Variants in PDE11A observed in about 807,000 individuals in gnomAD.
The protein encoded by PDE11A is phosphodiesterase 11A, also known as dual 3',5'-cyclic-AMP and -GMP phosphodiesterase 11A.
PDE11A carries 100 observed loss-of-function variants against 100.5 expected under a neutral mutation model. The ratio of observed to expected loss-of-function variants is 1.00; its 90% CI spans 0.85 to 1.18. PDE11A has a LOEUF of 1.18. Among genes scored for constraint, PDE11A ranks in the 50% most tolerant of loss-of-function variants. The pLI, the probability that PDE11A is intolerant of heterozygous loss-of-function variation, is 0.00. For synonymous variants in PDE11A, 381 were observed against 420.8 expected, an observed-to-expected ratio of 0.91 and a Z score of 1.16; for missense variants, 1,141 against 1,152.6, an observed-to-expected ratio of 0.99 and a Z score of 0.15.
intron 1 of PDE11A, among the ~76,000 whole-genome samples, chr2:178,059,510 C>T (rs1027727552): frequency 6.6e-6 from 1 of 152,200 alleles, no homozygotes; most frequent in Non-Finnish European, 1.5e-5. Flanking sequence ...GGGAGATTGA[C>T]TTCCCTGTCC....
chr2:177,901,692 G>A (rs988250856), intron 3 of PDE11A, among the ~76,000 whole-genome samples: 72 of 152,284 alleles, frequency 4.7e-4, no homozygotes, highest in African/African-American at 1.7e-3. Flanking sequence ...ATAATTTCAT[G>A]TTTAGACATT....
intron 1 of PDE11A, among the ~76,000 whole-genome samples, chr2:178,050,820 A>C (rs565897177): frequency 1.6e-3 from 237 of 152,352 alleles, no homozygotes; most frequent in African/African-American, 5.6e-3. Context: ...AAGAGTAAAA[A>C]GAAATGAACA....
intron 2 of PDE11A, among the ~76,000 whole-genome samples, chr2:177,969,162 A>G (rs552543877): frequency 6.6e-6 from 1 of 152,314 alleles, no homozygotes; most frequent in Admixed American, 6.5e-5. Flanking sequence ...GCGAACTAAC[A>G]CAGGAACAGA....
chr2:177,990,014 G>A (rs1416910819), intron 2 of PDE11A, among the ~76,000 whole-genome samples: 1 of 152,138 alleles, frequency 6.6e-6, no homozygotes, highest in Non-Finnish European at 1.5e-5. Flanking sequence ...TTGACTATGT[G>A]ACATTTGAAT....
intron 19 of PDE11A, among the ~76,000 whole-genome samples, chr2:177,660,056 T>C (rs13023837): frequency 0.76 from 93,662 of 124,022 alleles, 33,665 homozygotes; most frequent in Admixed American, 0.82. Context: ...TCTTTCTTTC[T>C]TTCTTTCTTT....
At chr2:177,901,478 T>A (rs895168213) in intron 3 of PDE11A, among the ~76,000 whole-genome samples, 1 of 152,168 alleles carries the variant, frequency 6.6e-6, no homozygotes, top group African/African-American at 2.4e-5. Context: ...TCCCCTGTCT[T>A]GAGAAATCAG....
Position 177,663,958 on chromosome 2 carries a change from G to A in PDE11A, c.2563-9C>T, listed in dbSNP as rs751542836. 1.3e-5 allele frequency: 21 copies of A among 1,593,396 alleles called. No homozygotes were observed. The highest frequency in any genetic ancestry group is 9.9e-5 in the South Asian group (9 of 90,592). On this transcript the variant is annotated splice_polypyrimidine_tract_variant and intron_variant, in intron 18 of 19. Transcript: ENST00000286063. The stretch of plus-strand genomic sequence containing the variant: ...TTCCGATCAAAAATTGCCTAGAATG[G>A]GGGGCAGGAAGAACCTCGCTTTATT...
In PDE11A at chr2:177,626,795, C is replaced by T. The variant is rs1222332774; in HGVS notation, c.*2612G>A. 1.3e-5 allele frequency: 2 copies of T among 152,074 alleles called. No homozygotes were observed. The highest frequency in any genetic ancestry group is 2.9e-5 in the Non-Finnish European group (2 of 68,052). 9.4% of individuals were successfully genotyped at this position (152,074 alleles called of 1,614,324 possible). Reference sequence around the variant, plus strand: ...CCTTCTCCCCTTTCTCAAACCCCTCCCTGCTCAAGTGTCTCTCTTTTCTGA... The same window carrying T: ...CCTTCTCCCCTTTCTCAAACCCCTCTCTGCTCAAGTGTCTCTCTTTTCTGA... On this transcript the variant is annotated 3_prime_UTR_variant, in exon 20 of 20. Transcript: ENST00000286063.
intron 19 of PDE11A, among the ~76,000 whole-genome samples, chr2:177,636,418 A>C (rs1325192627): frequency 2.0e-5 from 3 of 152,184 alleles, no homozygotes; most frequent in South Asian, 2.1e-4. Flanking sequence ...ACAGCATATC[A>C]ATCATTTTTG....
chr2:178,021,593 T>C (rs952049082), intron 1 of PDE11A, among the ~76,000 whole-genome samples: 4 of 152,118 alleles, frequency 2.6e-5, no homozygotes, highest in Non-Finnish European at 4.4e-5. Context: ...AAAAGTTTAA[T>C]AATAGATGAA....
In PDE11A at chr2:177,956,923, G is replaced by A. The variant is rs539476388; in HGVS notation, c.1072-51736C>T. On this transcript the variant is annotated intron_variant, in intron 2 of 19. Transcript: ENST00000286063. ...TGGGGACTGTTGTGGGGTGGGGGAG[G>A]GATAGCATTTAGAGATATACCTAAT... 9.9e-5 allele frequency among the ~76,000 whole-genome samples: 15 copies of A among 152,084 alleles called. No individual in the cohort carries two copies. In the South Asian group the frequency reaches 1.9e-3, roughly 19 times the overall value.
intron 1 of PDE11A, among the ~76,000 whole-genome samples, chr2:178,071,310 T>C (rs778574883): frequency 6.6e-6 from 1 of 152,206 alleles, no homozygotes; most frequent in Non-Finnish European, 1.5e-5. Context: ...TTGGGTGATA[T>C]ATTAACTTCC....
At position 177,665,548 on chromosome 2, in the gene PDE11A, A is replaced by G. The variant is rs185260465; in HGVS notation, c.2563-1599T>C. 4.4e-3 allele frequency among the ~76,000 whole-genome samples: 664 copies of G among 151,356 alleles called. 5 individuals carry two copies. The highest frequency in any genetic ancestry group is 0.029 in the East Asian group (152 of 5,180). On this transcript the variant is annotated intron_variant, in intron 18 of 19. Coordinates refer to ENST00000286063, the MANE Select transcript of PDE11A (RefSeq NM_016953.4). Reference sequence around the variant, plus strand: ...AAAAATAAAGAAATAAATACACAAAATGTTTCTTTAAAAAATATTATTCTG... The same window carrying G: ...AAAAATAAAGAAATAAATACACAAAGTGTTTCTTTAAAAAATATTATTCTG...
chr2:178,032,092 A>G (rs2086555271), intron 1 of PDE11A, among the ~76,000 whole-genome samples: 1 of 152,242 alleles, frequency 6.6e-6, no homozygotes, highest in African/African-American at 2.4e-5. Context: ...GAACTTCTCA[A>G]TAAATGACCC....
chr2:177,853,674 A>ATGTGTGTGTGTG (rs2083764463), intron 5 of PDE11A, among the ~76,000 whole-genome samples: 1 of 34,366 alleles, frequency 2.9e-5, no homozygotes, highest in African/African-American at 9.6e-5. Context: ...ATATATATAT[A>ATGTGTGTGTGTG]TATATATGTG....
intron 1 of PDE11A, 102 bp from the exon 2 acceptor site, chr2:178,014,562 A>T: frequency 1.2e-6 from 1 of 860,978 alleles, no homozygotes; most frequent in South Asian, 1.4e-5. Flanking sequence ...ACTGGGAACT[A>T]GCCCCATGAA....
intron 12 of PDE11A, among the ~76,000 whole-genome samples, chr2:177,717,002 T>C (rs901088833): frequency 1.3e-5 from 2 of 152,178 alleles, no homozygotes; most frequent in African/African-American, 2.4e-5. Context: ...AAACTACTGG[T>C]ATCATGGATA....
intron 2 of PDE11A, among the ~76,000 whole-genome samples, chr2:177,930,681 A>G (rs2085193313): frequency 6.6e-6 from 1 of 152,252 alleles, no homozygotes; most frequent in Non-Finnish European, 1.5e-5. Context: ...AAGCTACCAC[A>G]TGCACTGTGT....
chr2:177,989,504 G>C (rs974733290), intron 2 of PDE11A, among the ~76,000 whole-genome samples: 1 of 152,204 alleles, frequency 6.6e-6, no homozygotes, highest in Non-Finnish European at 1.5e-5. Context: ...CATTGACACA[G>C]TGGGGAAATG....
Sources: allele counts gnomAD v4.1 joint callset (sites outside exome capture counted in the v4.1 genomes callset), GRCh38; gene constraint gnomAD v4.1.1; transcripts MANE v1.5; gene names NCBI Gene and HGNC (gene_info 2026-07-23, HGNC 2026-07-21).